The following SREK1 variants were observed in gnomAD, a reference collection of about 807,000 sequenced individuals.
SREK1 encodes the protein splicing regulatory glutamic acid and lysine rich protein 1, also known as splicing regulatory glutamine/lysine-rich protein 1.
A neutral mutation model predicts 66.5 loss-of-function variants in SREK1; 13 were observed. That is an observed-to-expected ratio of 0.20 (90% CI 0.13 to 0.31). SREK1 has a LOEUF of 0.31. Ranked by LOEUF, SREK1 falls within the 10% of genes least tolerant of loss-of-function variation. SREK1 has a pLI of 1.00. For missense variants in SREK1, 607 were observed against 769.6 expected (o/e 0.79, Z 2.50); for synonymous variants, 265 against 263.5 (o/e 1.01, Z -0.05).
In SREK1 at chr5:66,170,224, G is replaced by C. The variant is rs2112074252; in HGVS notation, c.1121+54G>C. On this transcript the variant is annotated intron_variant, in intron 8 of 11. Coordinates refer to ENST00000334121, the MANE Select transcript of SREK1 (RefSeq NM_001077199.3). ...TTTTTTTCCTCAGAGTTCTGTTAGT[G>C]CTAAGGGATAATATTTTAATTGGCT... The C allele has an allele frequency of 2.6e-6, 4 of 1,553,540 alleles. No homozygotes were observed. In the South Asian group the frequency reaches 3.7e-5, roughly 14 times the overall value.
chr5:66,169,926 A>T, intron 7 of SREK1, 125 bp from the exon 8 acceptor site: 1 of 668,282 alleles, frequency 1.5e-6, no homozygotes, highest in Non-Finnish European at 2.3e-6. Context: ...CAGATTATGT[A>T]ACTAAAGTAT....
At chr5:66,163,170 T>C (rs115757590) in intron 5 of SREK1, 122 of 152,448 alleles carry the variant, frequency 8.0e-4, no homozygotes, top group African/African-American at 2.8e-3. Context: ...GCTTTAGTTA[T>C]ACAATTTGAT....
In SREK1 at chr5:66,178,999, A is replaced by G. The variant is rs1192792575; in HGVS notation, c.*131A>G. On this transcript the variant is annotated 3_prime_UTR_variant, in exon 12 of 12. Transcript: ENST00000334121. ...GGATCTAACAGCTTTTCCAGTTGTT[A>G]GATGACTTTGTGGCCATCTTGTTAT... The G allele has an allele frequency of 4.7e-6, 5 of 1,070,656 alleles. No homozygotes were observed. The South Asian group carries it at 1.2e-4, about 27-fold the overall frequency. The allele number at this position is 1,070,656 out of a possible 1,614,324, so 66.3% of individuals were successfully genotyped here. A position where few individuals can be genotyped will look rare whatever the true frequency, so the allele number is the denominator to read the frequency against.
At chr5:66,156,101 C>A (rs1315009170) in intron 2 of SREK1, 4 of 1,512,456 alleles carry the variant, frequency 2.6e-6, no homozygotes, top group Non-Finnish European at 3.5e-6. Context: ...GTTACACTTG[C>A]CTGAGTTAGG....
Position 66,183,273 on chromosome 5 carries a change from T to G in SREK1, c.*4405T>G, listed in dbSNP as rs1028752802. On this transcript the variant is annotated 3_prime_UTR_variant, in exon 12 of 12. Coordinates refer to ENST00000334121, the MANE Select transcript of SREK1 (RefSeq NM_001077199.3). ...ATTCATAAAAATCACACTGAAAGAA[T>G]AGGTTGATTTCAACCATTTTGAGGG... 1 of 152,206 alleles carries G rather than the reference T, an allele frequency of 6.6e-6. No homozygotes were observed. The highest frequency in any genetic ancestry group is 2.4e-5 in the African/African-American group (1 of 41,452). The allele number at this position is 152,206 out of a possible 1,614,324, so 9.4% of individuals were successfully genotyped here. A position where few individuals can be genotyped will look rare whatever the true frequency, so the allele number is the denominator to read the frequency against.
chr5:66,172,896 TATCTGCTCACTGCAACC>T (rs1442281318), intron 9 of SREK1, among the ~76,000 whole-genome samples: 1 of 140,414 alleles, frequency 7.1e-6, no homozygotes, highest in Non-Finnish European at 1.5e-5. Flanking sequence ...AGTGGCACAA[TATCTGCTCACTGCAACC>T]TCTGCCTCCT....
intron 1 of SREK1, among the ~76,000 whole-genome samples, chr5:66,152,889 A>G (rs1312977686): frequency 6.6e-6 from 1 of 152,242 alleles, no homozygotes; most frequent in East Asian, 1.9e-4. Context: ...AAGTAGGACC[A>G]GTTAGAGTCT....
chr5:66,147,375 A>T (rs1010853400), intron 1 of SREK1, among the ~76,000 whole-genome samples: 38 of 152,264 alleles, frequency 2.5e-4, no homozygotes, highest in African/African-American at 8.9e-4. Context: ...TAAATTTTTC[A>T]TTGAGGTTTA....
intron 6 of SREK1, chr5:66,164,311 G>T: frequency 3.8e-6 from 1 of 265,000 alleles, no homozygotes; most frequent in Non-Finnish European, 7.4e-6. Flanking sequence ...CCGTGATTTA[G>T]AAAAAAATAC....
In SREK1 at chr5:66,174,932, T is replaced by G; in HGVS notation, c.1485-14T>G. On this transcript the variant is annotated splice_polypyrimidine_tract_variant and intron_variant, in intron 9 of 11. Coordinates refer to ENST00000334121, the MANE Select transcript of SREK1 (RefSeq NM_001077199.3). The stretch of plus-strand genomic sequence containing the variant: ...AATTGCTGTTTTTAAAAATGATGTG[T>G]TTTTGATTTTCAGGGAAAGGCGTAG... The G allele has an allele frequency of 6.2e-7, 1 of 1,607,162 alleles. No individual in the cohort carries two copies. The highest frequency in any genetic ancestry group is 8.5e-7 in the Non-Finnish European group (1 of 1,177,014).
At chr5:66,163,744 T>C in intron 5 of SREK1, 48 bp from the exon 6 acceptor site, 1 of 1,568,072 alleles carries the variant, frequency 6.4e-7, no homozygotes, top group Non-Finnish European at 8.7e-7. Context: ...GTTTCATGTT[T>C]TATAAAATGT....
intron 1 of SREK1, chr5:66,145,266 A>C (rs965883507): frequency 1.5e-6 from 1 of 652,976 alleles, no homozygotes; most frequent in African/African-American, 2.0e-5. Flanking sequence ...GCCACTTCCC[A>C]GATAGTGTAT....
chr5:66,151,688 T>G (rs1185338279), intron 1 of SREK1, among the ~76,000 whole-genome samples: 1 of 152,114 alleles, frequency 6.6e-6, no homozygotes, highest in Non-Finnish European at 1.5e-5. Flanking sequence ...AGTCTGGATG[T>G]GCATACAGTT....
Position 66,152,708 on chromosome 5 carries a change from C to T in SREK1, c.162-755C>T, listed in dbSNP as rs188383971. 7.2e-5 allele frequency among the ~76,000 whole-genome samples: 11 copies of T among 152,134 alleles called. No individual in the cohort carries two copies. The East Asian group carries it at 2.1e-3, about 29-fold the overall frequency. On this transcript the variant is annotated intron_variant, in intron 1 of 11. Transcript: ENST00000334121. ...TCGGTCTTTTTTTTCCTGCTAAAGA[C>T]AATTACAGATTTTAATGAAAAGTAA...
At chr5:66,176,872 G>A (rs890085711) in intron 10 of SREK1, among the ~76,000 whole-genome samples, 1 of 151,754 alleles carries the variant, frequency 6.6e-6, no homozygotes, top group African/African-American at 2.4e-5. Flanking sequence ...GGTTTTTTAG[G>A]TGATTTTCTG....
Position 66,177,607 on chromosome 5 carries a change from T to C in SREK1, c.1674T>C (p.Ser558=). The C allele has an allele frequency of 2.5e-6, 4 of 1,611,180 alleles. No homozygotes were observed. The highest frequency in any genetic ancestry group is 2.5e-6 in the Non-Finnish European group (3 of 1,178,546). ...GTTCAACGTCTATGAGAAAGAGTTC[T>C]AATGATAGAGATGGGAAGGAGAAGT... is the stretch of plus-strand genomic sequence containing the variant. ...RERSTSMRKS[S]NDRDGKEKLE... is the part of the protein sequence containing the mutation. The change falls in exon 11 of 12, where the codon TCT becomes TCC. Residue 558 remains serine (S), a synonymous_variant. Transcript: ENST00000334121.
chr5:66,155,948 C>T (rs1443413359), intron 2 of SREK1: 1 of 1,423,362 alleles, frequency 7.0e-7, no homozygotes, highest in Non-Finnish European at 9.4e-7. Flanking sequence ...TCAAACATAA[C>T]AAGGGTGTCA....
In SREK1 at chr5:66,178,915, G is replaced by C. The variant is rs768120050; in HGVS notation, c.*47G>C. The C allele has an allele frequency of 6.6e-7, 1 of 1,504,110 alleles. No individual in the cohort carries two copies. The highest frequency in any genetic ancestry group is 8.9e-7 in the Non-Finnish European group (1 of 1,119,776). The allele number at this position is 1,504,110 out of a possible 1,614,324, so 93.2% of individuals were successfully genotyped here. Reference sequence around the variant, plus strand: ...ACTCAATGCTGGAATCAAATCCAAAGCTTTTAATTCTCTCAACAAGATGTA... The same window carrying C: ...ACTCAATGCTGGAATCAAATCCAAACCTTTTAATTCTCTCAACAAGATGTA... On this transcript the variant is annotated 3_prime_UTR_variant, in exon 12 of 12. Coordinates refer to ENST00000334121, the MANE Select transcript of SREK1 (RefSeq NM_001077199.3).
chr5:66,145,208 C>A, intron 1 of SREK1: 2 of 969,746 alleles, frequency 2.1e-6, no homozygotes, highest in South Asian at 9.5e-5. Context: ...GGTTATCCCT[C>A]CCGTATACAT....
Sources: gnomAD v4.1 joint callset for allele counts (sites outside exome capture counted in the v4.1 genomes callset) on GRCh38, gnomAD v4.1.1 for gene constraint, MANE v1.5 for transcripts, NCBI Gene and HGNC (gene_info 2026-07-23, HGNC 2026-07-21) for gene names.